PON3: variants seen among roughly 807,000 people sequenced by gnomAD.
PON3 encodes paraoxonase 3.
A neutral mutation model predicts 36.3 loss-of-function variants in PON3; 37 were observed. That is an observed-to-expected ratio of 1.02 (90% CI 0.78 to 1.34). PON3 has a LOEUF of 1.34. PON3 is among the 40% of genes most tolerant of loss of function. The probability of loss-of-function intolerance (pLI) is 0.00; values close to 1 mark genes in which losing one functional copy is unlikely to be tolerated. For synonymous variants in PON3, 155 were observed against 154.8 expected, an observed-to-expected ratio of 1.00 and a Z score of -0.01; for missense variants, 415 against 426.5, an observed-to-expected ratio of 0.97 and a Z score of 0.24.
chr7:95,368,087 C>T (rs1018281246), intron 4 of PON3, among the ~76,000 whole-genome samples: 1 of 152,102 alleles, frequency 6.6e-6, no homozygotes, highest in Non-Finnish European at 1.5e-5. Flanking sequence ...TAGTACCCAC[C>T]TCAGAAATGT....
rs557320272 is a variant in PON3, at chr7:95,396,049, C to T, written c.74+228G>A. 4.4e-4 allele frequency: 259 copies of T among 589,982 alleles called. 3 individuals are homozygous for T. Among genetic ancestry groups the T allele is most frequent in the South Asian group, 1.9e-3 (99 of 50,894 alleles). The allele number at this position is 589,982 out of a possible 1,614,324, so 36.5% of individuals were successfully genotyped here. A position where few individuals can be genotyped will look rare whatever the true frequency, so the allele number is the denominator to read the frequency against. ...AGAAAGCAAAGTGGGGGATCATAAC[C>T]TTCAAAAAATAAATGGGACTAATTC... On this transcript the variant is annotated intron_variant, in intron 1 of 8. Transcript: ENST00000265627.
chr7:95,380,728 G>C (rs1809032007), intron 3 of PON3, among the ~76,000 whole-genome samples: 3 of 152,220 alleles, frequency 2.0e-5, no homozygotes, highest in Admixed American at 2.0e-4. Context: ...GCGTCTGATT[G>C]GTGTACCTGA....
intron 4 of PON3, 80 bp from the exon 5 acceptor site, chr7:95,367,568 C>T: frequency 6.6e-7 from 1 of 1,508,308 alleles, no homozygotes. Context: ...AACTTGGTCA[C>T]TTCCAAAAGT....
intron 4 of PON3, among the ~76,000 whole-genome samples, chr7:95,371,239 A>T (rs1808801742): frequency 6.8e-6 from 1 of 146,334 alleles, no homozygotes; most frequent in Non-Finnish European, 1.5e-5. Flanking sequence ...TTGTATTAGG[A>T]GTAATGCTGC....
chr7:95,384,454 A>G (rs756558574), intron 3 of PON3, among the ~76,000 whole-genome samples: 1 of 152,236 alleles, frequency 6.6e-6, no homozygotes, highest in Non-Finnish European at 1.5e-5. Flanking sequence ...CAGTCTACTC[A>G]TCTGACAAAG....
At chr7:95,377,633 C>T (rs768680699) in intron 3 of PON3, 37 of 400,892 alleles carry the variant, frequency 9.2e-5, no homozygotes, top group African/African-American at 6.8e-4. Flanking sequence ...CCCAGGCAAA[C>T]AGGGTCTGGA....
At chr7:95,392,803 A>T (rs1809346601) in intron 2 of PON3, among the ~76,000 whole-genome samples, 1 of 152,208 alleles carries the variant, frequency 6.6e-6, no homozygotes, top group Non-Finnish European at 1.5e-5. Flanking sequence ...CATGTAATGC[A>T]TTGACACAAG....
Position 95,367,496 on chromosome 7 carries a change from G to GA in PON3, c.368-9dup, listed in dbSNP as rs768672513. The GA allele has an allele frequency of 1.2e-5, 19 of 1,611,962 alleles. 1 individual carries two copies. The Middle Eastern group carries it at 1.0e-3, about 89-fold the overall frequency. On this transcript the variant is annotated splice_polypyrimidine_tract_variant and intron_variant, in intron 4 of 8. Coordinates refer to ENST00000265627, the MANE Select transcript of PON3 (RefSeq NM_000940.3). ...AAAGATACACAGTATTGTCTACATG[G>GA]AAAAAAGGGATAATTTCCAAGAAAG...
intron 3 of PON3, among the ~76,000 whole-genome samples, chr7:95,379,812 C>G (rs1170733740): frequency 6.6e-6 from 1 of 152,252 alleles, no homozygotes; most frequent in Non-Finnish European, 1.5e-5. Context: ...GCAGAAACCT[C>G]TGCAGACTTA....
At chr7:95,363,802 A>G (rs1180796987) in intron 6 of PON3, 61 bp downstream of exon 6, 1 of 1,485,134 alleles carries the variant, frequency 6.7e-7, no homozygotes, top group African/African-American at 1.4e-5. Flanking sequence ...CTTCCTCGTA[A>G]GGAAAGGAGT....
chr7:95,362,842 CT>C lies in PON3; in HGVS notation c.696-2del, dbSNP rs1279553156. 2.5e-6 allele frequency: 4 copies of C among 1,602,122 alleles called. No individual in the cohort carries two copies. The highest frequency in any genetic ancestry group is 3.4e-6 in the Non-Finnish European group (4 of 1,169,686). On this transcript the variant is annotated splice_acceptor_variant, in intron 6 of 8. Coordinates refer to ENST00000265627, the MANE Select transcript of PON3 (RefSeq NM_000940.3). LOFTEE classifies it high-confidence loss of function. ...TGCTACATCAGCTACATAGACATAC[CT>C]TTGAAGTAAATGACATTTACACTTA...
intron 3 of PON3, among the ~76,000 whole-genome samples, chr7:95,385,946 G>A (rs1251576280): frequency 6.6e-6 from 1 of 152,136 alleles, no homozygotes; most frequent in Non-Finnish European, 1.5e-5. Context: ...AGCACTAAAT[G>A]CCCACAAGAG....
At chr7:95,383,951 C>A (rs1360578808) in intron 3 of PON3, among the ~76,000 whole-genome samples, 1 of 152,124 alleles carries the variant, frequency 6.6e-6, no homozygotes, top group African/African-American at 2.4e-5. Flanking sequence ...TGACTTCAAA[C>A]TATACTACAA....
chr7:95,367,378 GTT>G lies in PON3; in HGVS notation c.476_477del (p.Lys159ThrfsTer2). 1 of 1,612,740 alleles carries G rather than the reference GTT, an allele frequency of 6.2e-7. No homozygotes were observed. Among genetic ancestry groups the G allele is most frequent in the East Asian group, 2.2e-5 (1 of 44,856 alleles). ...ATTCCATACCTTTTGAGAAGTTCAT[GTT>G]TTATAGTTTTCAGGTATACCAGAGA... ...QRSLVYLKTI[K>X]HELLKSVNDI... On this transcript the variant is annotated frameshift_variant, in exon 5 of 9. Coordinates refer to ENST00000265627, the MANE Select transcript of PON3 (RefSeq NM_000940.3). LOFTEE classifies it high-confidence loss of function.
At chr7:95,368,205 T>G (rs1018548328) in intron 4 of PON3, among the ~76,000 whole-genome samples, 3 of 152,226 alleles carry the variant, frequency 2.0e-5, no homozygotes, top group Admixed American at 1.3e-4. Context: ...CTAGGTTTGA[T>G]GAGCTCTGGA....
chr7:95,389,938 C>T (rs146868862), intron 3 of PON3, among the ~76,000 whole-genome samples: 7 of 152,178 alleles, frequency 4.6e-5, no homozygotes, highest in African/African-American at 1.2e-4. Context: ...GCCACTACCC[C>T]CAGGGAGTTG....
intron 8 of PON3, among the ~76,000 whole-genome samples, chr7:95,360,921 T>C (rs780373498): frequency 3.3e-5 from 5 of 152,164 alleles, no homozygotes; most frequent in Admixed American, 6.5e-5. Flanking sequence ...TTTGATTTCA[T>C]GTACAAAACA....
chr7:95,364,216 T>C, intron 5 of PON3, 153 bp from the exon 6 acceptor site: 1 of 684,366 alleles, frequency 1.5e-6, no homozygotes, highest in Non-Finnish European at 2.6e-6. Flanking sequence ...CCACAGAAAA[T>C]CATGATTCTG....
intron 1 of PON3, among the ~76,000 whole-genome samples, chr7:95,395,170 T>C (rs1398138982): frequency 1.3e-5 from 2 of 152,194 alleles, no homozygotes; most frequent in Non-Finnish European, 2.9e-5. Flanking sequence ...TCAAACTCTA[T>C]CACTTTTGCT....
Sources: allele counts gnomAD v4.1 joint callset (sites outside exome capture counted in the v4.1 genomes callset), GRCh38; gene constraint gnomAD v4.1.1; transcripts MANE v1.5; gene names NCBI Gene and HGNC (gene_info 2026-07-23, HGNC 2026-07-21).